The following TAPT1 variants were observed in gnomAD, a reference collection of about 807,000 sequenced individuals.
The protein encoded by TAPT1 is transmembrane anterior posterior transformation 1.
Under a neutral mutation model 65.6 loss-of-function variants are expected in TAPT1, and 28 were observed. That is an observed-to-expected ratio of 0.43 (90% CI 0.32 to 0.59). TAPT1 has a LOEUF of 0.59. Ranked by LOEUF, TAPT1 falls within the 20% of genes least tolerant of loss-of-function variation. The pLI is 0.09. For synonymous variants in TAPT1, 278 were observed against 245.2 expected, an observed-to-expected ratio of 1.13 and a Z score of -1.25; for missense variants, 563 against 679.9, an observed-to-expected ratio of 0.83 and a Z score of 1.91.
chr4:16,193,675 G>A (rs1024121388), intron 3 of TAPT1, among the ~76,000 whole-genome samples: 2 of 152,142 alleles, frequency 1.3e-5, no homozygotes, highest in Non-Finnish European at 2.9e-5. Context: ...AAGAGGAGAC[G>A]TTTTGAACAC....
At chr4:16,168,587 A>C (rs11730922) in intron 12 of TAPT1, among the ~76,000 whole-genome samples, 41,569 of 152,148 alleles carry the variant, frequency 0.27, 6,775 homozygotes, top group Non-Finnish European at 0.35. Context: ...CTGAAACACC[A>C]GCTCACCAGA....
At chr4:16,211,264 T>C (rs1186854800) in intron 2 of TAPT1, among the ~76,000 whole-genome samples, 3 of 151,924 alleles carry the variant, frequency 2.0e-5, no homozygotes, top group South Asian at 2.1e-4. Flanking sequence ...TATATTAGAA[T>C]AGACAATGTA....
In TAPT1 at chr4:16,161,557, G is replaced by GC. The variant is rs1305630278; in HGVS notation, c.*1750dup. 2 of 152,568 alleles carry GC rather than the reference G, an allele frequency of 1.3e-5. No individual in the cohort carries two copies. The highest frequency in any genetic ancestry group is 4.8e-5 in the African/African-American group (2 of 41,416). 9.5% of individuals were successfully genotyped at this position (152,568 alleles called of 1,614,324 possible). On this transcript the variant is annotated 3_prime_UTR_variant, in exon 14 of 14. Coordinates refer to ENST00000405303, the MANE Select transcript of TAPT1 (RefSeq NM_153365.3). ...TCCCCAAACTATTCCATTCACGGTG[G>GC]CATTGTTCCTTTTGTTGGTAAAGGG... is the stretch of plus-strand genomic sequence containing the variant.
At chr4:16,224,413 A>T (rs1247794069) in intron 1 of TAPT1, among the ~76,000 whole-genome samples, 1 of 152,206 alleles carries the variant, frequency 6.6e-6, no homozygotes, top group Non-Finnish European at 1.5e-5. Flanking sequence ...CTATGTGACT[A>T]GCAGAGCAGG....
At chr4:16,227,308 C>T (rs1292341989), upstream of TAPT1, 5 of 456,002 alleles carry the variant, frequency 1.1e-5, no homozygotes, top group Admixed American at 7.0e-5. Context: ...TGTGTCCTTA[C>T]TTTGTCGCTT....
At chr4:16,191,201 C>T (rs1749351378) in intron 4 of TAPT1, 160 bp downstream of exon 4, 1 of 679,824 alleles carries the variant, frequency 1.5e-6, no homozygotes, top group Non-Finnish European at 2.3e-6. Flanking sequence ...AATCAGAATC[C>T]ATGTTTAAGA....
In TAPT1 at chr4:16,226,254, C is replaced by T. The variant is rs976570476; in HGVS notation, c.199+5G>A. On this transcript the variant is annotated splice_donor_5th_base_variant and intron_variant, in intron 1 of 13. Coordinates refer to ENST00000405303, the MANE Select transcript of TAPT1 (RefSeq NM_153365.3). Reference sequence around the variant, plus strand: ...CCCGCCACGGCCTAGCGCCGCCCGCCTCACCTGTGCGGCCCCGGCGCCTCT... The same window carrying T: ...CCCGCCACGGCCTAGCGCCGCCCGCTTCACCTGTGCGGCCCCGGCGCCTCT... 3.6e-6 allele frequency: 4 copies of T among 1,120,200 alleles called. No homozygotes were observed. The highest frequency in any genetic ancestry group is 4.4e-6 in the Non-Finnish European group (4 of 917,214). The allele number at this position is 1,120,200 out of a possible 1,614,324, so 69.4% of individuals were successfully genotyped here.
chr4:16,211,263 A>C (rs11931779), intron 2 of TAPT1, among the ~76,000 whole-genome samples: 3,256 of 152,186 alleles, frequency 0.021, 120 homozygotes, highest in African/African-American at 0.074. Flanking sequence ...ATATATTAGA[A>C]TAGACAATGT....
At chr4:16,200,039 T>C (rs141569813) in intron 3 of TAPT1, among the ~76,000 whole-genome samples, 649 of 152,298 alleles carry the variant, frequency 4.3e-3, no homozygotes, top group South Asian at 0.014. Flanking sequence ...AGAGAGACCC[T>C]TGGGATCACT....
At chr4:16,209,430 G>A (rs1404265106) in intron 2 of TAPT1, among the ~76,000 whole-genome samples, 5 of 152,090 alleles carry the variant, frequency 3.3e-5, no homozygotes, top group East Asian at 1.9e-4. Flanking sequence ...AAATATAGAT[G>A]GAGCAAATTA....
At chr4:16,170,557 A>T (rs775107752) in intron 12 of TAPT1, 96 bp downstream of exon 12, 96 of 814,076 alleles carry the variant, frequency 1.2e-4, no homozygotes, top group Non-Finnish European at 1.7e-4. Flanking sequence ...CCTGGCATAG[A>T]CTGGGAGTAG....
Position 16,215,182 on chromosome 4 carries a change from T to A in TAPT1, c.200-1284A>T, listed in dbSNP as rs540584694. On this transcript the variant is annotated intron_variant, in intron 1 of 13. Transcript: ENST00000405303. ...GGTGGGCGCCTGTAGTCCCAGCTGC[T>A]TGGGAGGCTGAGGCAAGAGAATCGC... Among the ~76,000 whole-genome samples the A allele has an allele frequency of 3.4e-4, 51 of 151,994 alleles. 1 individual carries two copies. The Middle Eastern group carries it at 0.051, about 152-fold the overall frequency.
At chr4:16,221,168 G>A (rs760687365) in intron 1 of TAPT1, among the ~76,000 whole-genome samples, 4 of 151,772 alleles carry the variant, frequency 2.6e-5, no homozygotes, top group Non-Finnish European at 5.9e-5. Context: ...TTGCCCAGGC[G>A]TGAGTGCAGT....
chr4:16,179,956 T>C (rs1334349992), intron 7 of TAPT1, among the ~76,000 whole-genome samples: 1 of 152,134 alleles, frequency 6.6e-6, no homozygotes, highest in Non-Finnish European at 1.5e-5. Context: ...ATGAGGTCAT[T>C]AGGTTCCTCC....
rs562816359 is a variant in TAPT1 at position 16,215,703 on chromosome 4, G to A, written c.200-1805C>T. Among the ~76,000 whole-genome samples, 17 of 152,280 alleles carry A rather than the reference G, an allele frequency of 1.1e-4. No homozygotes were observed. The South Asian group carries it at 1.2e-3, about 11-fold the overall frequency. On this transcript the variant is annotated intron_variant, in intron 1 of 13. Transcript: ENST00000405303. ...ACAGTTGAAGTCACATGGGTTAAGT[G>A]CACGCAATATGTAAACTCTATTGTA...
Position 16,166,738 on chromosome 4 carries a change from A to T in TAPT1, c.1369T>A (p.Tyr457Asn). 1 of 1,613,948 alleles carries T rather than the reference A, an allele frequency of 6.2e-7. No individual in the cohort carries two copies. The highest frequency in any genetic ancestry group is 8.5e-7 in the Non-Finnish European group (1 of 1,179,886). Residue 457 changes from tyrosine to asparagine, a missense_variant, in exon 13 of 14, where the codon TAT becomes AAT. By Grantham distance (143) the Tyr-to-Asn change is moderately radical (BLOSUM62 -2). Transcript: ENST00000405303. ...TCTTCCATTTTGGCTTCCTTCACAT[A>T]CTGGCACGATTTCCCCAACAGCACG... ...SIVLLGKSCQ[Y>N]VKEAKMEEKL...
chr4:16,184,123 C>T (rs1244106086), intron 7 of TAPT1, among the ~76,000 whole-genome samples: 1 of 152,096 alleles, frequency 6.6e-6, no homozygotes, highest in East Asian at 1.9e-4. Flanking sequence ...GACACCAAGC[C>T]CTTAATACAG....
intron 2 of TAPT1, among the ~76,000 whole-genome samples, chr4:16,211,181 T>C (rs1432502149): frequency 6.6e-6 from 1 of 151,584 alleles, no homozygotes; most frequent in African/African-American, 2.4e-5. Flanking sequence ...TTTTCAAGTT[T>C]CTCTTCCTGA....
intron 2 of TAPT1, among the ~76,000 whole-genome samples, chr4:16,209,485 T>C (rs1465762997): frequency 6.6e-6 from 1 of 152,256 alleles, no homozygotes; most frequent in East Asian, 1.9e-4. Context: ...AATTTGAATT[T>C]AAACATAACA....
Sources: gnomAD v4.1 joint callset for allele counts (sites outside exome capture counted in the v4.1 genomes callset) on GRCh38, gnomAD v4.1.1 for gene constraint, MANE v1.5 for transcripts, NCBI Gene and HGNC (gene_info 2026-07-23, HGNC 2026-07-21) for gene names.